The following NT5E variants were observed in gnomAD, a reference collection of about 807,000 sequenced individuals.
NT5E encodes 5'-nucleotidase ecto.
NT5E carries 53 observed loss-of-function variants against 55.1 expected under a neutral mutation model. The ratio of observed to expected loss-of-function variants is 0.96; its 90% CI spans 0.77 to 1.21. The LOEUF (loss-of-function observed/expected upper bound fraction) is 1.21, where lower values mean the gene tolerates loss of function less well. Ranked by LOEUF, NT5E falls within the 50% of genes most tolerant of loss-of-function variation. The probability of loss-of-function intolerance (pLI) is 0.00; values close to 1 mark genes in which losing one functional copy is unlikely to be tolerated. For synonymous variants in NT5E, 270 were observed against 278.4 expected (o/e 0.97, Z 0.30); for missense variants, 683 against 724.3 (o/e 0.94, Z 0.65).
rs745875203 is a variant in NT5E, at chr6:85,490,633, A to G, written c.1336A>G (p.Thr446Ala). The G allele has an allele frequency of 6.2e-7, 1 of 1,614,046 alleles. No individual in the cohort carries two copies. The highest frequency in any genetic ancestry group is 2.2e-5 in the East Asian group (1 of 44,874). The change falls in exon 7 of 9, where the codon ACT becomes GCT. Residue 446 changes from threonine (T) to alanine (A), a missense_variant. Physicochemically the swap from Thr to Ala is moderately conservative, Grantham distance 58 (BLOSUM62 0). Transcript: ENST00000257770. ...TAGCGTGCACCGCTACGGCCAGTCCACTGGAGAGTTCCTGCAGGTGGGCGG... is the reference window on the plus strand; with the variant it reads ...TAGCGTGCACCGCTACGGCCAGTCCGCTGGAGAGTTCCTGCAGGTGGGCGG... ...EHSVHRYGQS[T>A]GEFLQVGGIH...
chr6:85,487,600 A>C, intron 5 of NT5E, 111 bp downstream of exon 5: 2 of 1,434,624 alleles, frequency 1.4e-6, no homozygotes, highest in Non-Finnish European at 2.0e-6. Context: ...GAGGGATTTC[A>C]AAACATTTTT....
chr6:85,483,349 G>A (rs187857118), intron 3 of NT5E, among the ~76,000 whole-genome samples: 111 of 152,296 alleles, frequency 7.3e-4, no homozygotes, highest in African/African-American at 2.5e-3. Flanking sequence ...ATAACTACCT[G>A]GTCCCCTGAA....
chr6:85,477,018 A>T (rs1048326607), intron 3 of NT5E, among the ~76,000 whole-genome samples: 4 of 151,824 alleles, frequency 2.6e-5, no homozygotes, highest in African/African-American at 4.8e-5. Flanking sequence ...ATTGCCAGGG[A>T]CCCCACCCTT....
intron 3 of NT5E, among the ~76,000 whole-genome samples, chr6:85,481,231 C>G (rs1294771001): frequency 6.6e-6 from 1 of 152,008 alleles, no homozygotes; most frequent in Non-Finnish European, 1.5e-5. Context: ...AGATACTGGC[C>G]CTGATCAGAT....
chr6:85,472,666 A>G (rs1174040579), intron 3 of NT5E, among the ~76,000 whole-genome samples: 1 of 152,244 alleles, frequency 6.6e-6, no homozygotes, highest in Non-Finnish European at 1.5e-5. Context: ...TAAACTATAA[A>G]TAGCTATATT....
At chr6:85,470,500 G>C (rs1769283103) in intron 2 of NT5E, among the ~76,000 whole-genome samples, 1 of 152,154 alleles carries the variant, frequency 6.6e-6, no homozygotes, top group South Asian at 2.1e-4. Context: ...GCCCAGGCTG[G>C]AGTGCAGTGG....
intron 7 of NT5E, 138 bp downstream of exon 7, chr6:85,490,795 C>T (rs1562146203): frequency 1.1e-6 from 1 of 889,092 alleles, no homozygotes; most frequent in South Asian, 1.4e-5. Context: ...AATACCTTAC[C>T]CTTTAATGGC....
intron 3 of NT5E, among the ~76,000 whole-genome samples, chr6:85,475,290 A>G (rs1354051890): frequency 6.6e-6 from 1 of 152,186 alleles, no homozygotes; most frequent in Non-Finnish European, 1.5e-5. Context: ...CACCCATTAT[A>G]TTAATTTTAT....
chr6:85,494,253 A>G lies in NT5E; in HGVS notation c.*249A>G. 1 of 481,444 alleles carries G rather than the reference A, an allele frequency of 2.1e-6. No homozygotes were observed. Among genetic ancestry groups the G allele is most frequent in the East Asian group, 3.4e-5 (1 of 29,120 alleles). The allele number at this position is 481,444 out of a possible 1,614,324, so 29.8% of individuals were successfully genotyped here. ...CAACTATGTTAAGTTTACGTGTCCA[A>G]ATTTTAATGAAATTTTACTAACAAT... On this transcript the variant is annotated 3_prime_UTR_variant, in exon 9 of 9. Coordinates refer to ENST00000257770, the MANE Select transcript of NT5E (RefSeq NM_002526.4).
chr6:85,467,872 T>C (rs191032051), intron 2 of NT5E, among the ~76,000 whole-genome samples: 152 of 151,696 alleles, frequency 1.0e-3, no homozygotes, highest in African/African-American at 3.5e-3. Context: ...ATAATATATA[T>C]AATCTTAAGA....
intron 1 of NT5E, among the ~76,000 whole-genome samples, chr6:85,464,061 T>C (rs2127755804): frequency 7.1e-6 from 1 of 140,644 alleles, no homozygotes; most frequent in East Asian, 2.1e-4. Flanking sequence ...GTGCAAGTAG[T>C]TAGGAATTTT....
Position 85,491,965 on chromosome 6 carries a change from T to C in NT5E, c.1361-12T>C, listed in dbSNP as rs765866047. The stretch of plus-strand genomic sequence containing the variant: ...TTTGGATCTGGTGAAAACAGATTCA[T>C]TTCTTTTCTAGGAATCCATGTGGTG... On this transcript the variant is annotated splice_polypyrimidine_tract_variant and intron_variant, in intron 7 of 8. Coordinates refer to ENST00000257770, the MANE Select transcript of NT5E (RefSeq NM_002526.4). The C allele has an allele frequency of 7.1e-5, 115 of 1,612,786 alleles. 1 individual carries two copies. The Admixed American group carries it at 1.8e-3, about 25-fold the overall frequency.
chr6:85,475,550 T>A lies in NT5E; in HGVS notation c.751+4125T>A, dbSNP rs183770821. Among the ~76,000 whole-genome samples the A allele has an allele frequency of 2.5e-3, 384 of 152,330 alleles. 3 individuals carry two copies. Among genetic ancestry groups the A allele is most frequent in the Non-Finnish European group, 3.6e-3 (242 of 68,034 alleles). On this transcript the variant is annotated intron_variant, in intron 3 of 8. Coordinates refer to ENST00000257770, the MANE Select transcript of NT5E (RefSeq NM_002526.4). ...AAGATAAGAGCTAAAATGCAAACGC[T>A]TTCTCTAAAGAAGTTAAATCCTAGA... is the stretch of plus-strand genomic sequence containing the variant.
Position 85,474,763 on chromosome 6 carries a change from C to A in NT5E, c.751+3338C>A, listed in dbSNP as rs897059732. Among the ~76,000 whole-genome samples, 14 of 152,146 alleles carry A rather than the reference C, an allele frequency of 9.2e-5. No homozygotes were observed. The East Asian group carries it at 2.7e-3, about 29-fold the overall frequency. On this transcript the variant is annotated intron_variant, in intron 3 of 8. Coordinates refer to ENST00000257770, the MANE Select transcript of NT5E (RefSeq NM_002526.4). Reference sequence around the variant, plus strand: ...GGGCAAGATAGGGAGACCCCCATATCTACAAAAAAAATTTTTAAAAATTAG... The same window carrying A: ...GGGCAAGATAGGGAGACCCCCATATATACAAAAAAAATTTTTAAAAATTAG...
intron 1 of NT5E, among the ~76,000 whole-genome samples, chr6:85,464,136 G>A (rs1304077082): frequency 1.5e-5 from 2 of 135,802 alleles, no homozygotes; most frequent in Non-Finnish European, 3.1e-5. Context: ...ATACAGCCAA[G>A]CACAGAGGTT....
intron 1 of NT5E, among the ~76,000 whole-genome samples, chr6:85,460,329 T>G (rs1185465697): frequency 6.6e-6 from 1 of 152,104 alleles, no homozygotes; most frequent in African/African-American, 2.4e-5. Context: ...ACCCTCCTTA[T>G]CCCCATACTG....
intron 2 of NT5E, among the ~76,000 whole-genome samples, chr6:85,468,383 G>A (rs1038434221): frequency 1.3e-5 from 2 of 152,156 alleles, no homozygotes; most frequent in African/African-American, 4.8e-5. Flanking sequence ...CTGGGGTCAG[G>A]TTTACTTGCT....
chr6:85,487,572 G>T lies in NT5E; in HGVS notation c.1104+83G>T. 6 of 1,530,892 alleles carry T rather than the reference G, an allele frequency of 3.9e-6. 1 individual carries two copies. In the South Asian group the frequency reaches 5.6e-5, roughly 14 times the overall value. 94.8% of individuals were successfully genotyped at this position (1,530,892 alleles called of 1,614,324 possible). The stretch of plus-strand genomic sequence containing the variant: ...GGAAGGAAGGATGCGAGAAGGGATA[G>T]ATCGATAGCTACAGAATGAGGGATT... On this transcript the variant is annotated intron_variant, in intron 5 of 8. Transcript: ENST00000257770.
intron 3 of NT5E, among the ~76,000 whole-genome samples, chr6:85,479,795 G>A (rs529225971): frequency 2.0e-5 from 3 of 152,148 alleles, no homozygotes; most frequent in Non-Finnish European, 4.4e-5. Context: ...TTTTAAACAG[G>A]CCATAGTGAT....
Sources: allele counts gnomAD v4.1 joint callset (sites outside exome capture counted in the v4.1 genomes callset), GRCh38; gene constraint gnomAD v4.1.1; transcripts MANE v1.5; gene names NCBI Gene and HGNC (gene_info 2026-07-23, HGNC 2026-07-21).